The following FBXL17 variants were observed in gnomAD, a reference collection of about 807,000 sequenced individuals.
FBXL17 encodes the protein F-box and leucine rich repeat protein 17.
Under a neutral mutation model 66.2 loss-of-function variants are expected in FBXL17, and 22 were observed. The ratio of observed to expected loss-of-function variants is 0.33; its 90% CI spans 0.24 to 0.47. The LOEUF is 0.47. Among genes scored for constraint, FBXL17 ranks in the 20% least tolerant of loss-of-function variants. The pLI is 1.00. For synonymous variants in FBXL17, 474 were observed against 400.5 expected, an observed-to-expected ratio of 1.18 and a Z score of -2.19; for missense variants, 878 against 948.2, an observed-to-expected ratio of 0.93 and a Z score of 0.97.
intron 4 of FBXL17, among the ~76,000 whole-genome samples, chr5:108,311,815 C>T (rs1253986346): frequency 6.6e-6 from 1 of 152,124 alleles, no homozygotes; most frequent in African/African-American, 2.4e-5. Flanking sequence ...TAATAACAAA[C>T]GGCTTATAAT....
At chr5:108,378,339 T>G (rs953119192) in intron 1 of FBXL17, among the ~76,000 whole-genome samples, 1 of 134,200 alleles carries the variant, frequency 7.5e-6, no homozygotes, top group African/African-American at 3.1e-5. Flanking sequence ...TTTTGTTTTT[T>G]TGTTTTGTTT....
At chr5:108,227,095 T>C (rs1414200434) in intron 4 of FBXL17, among the ~76,000 whole-genome samples, 3 of 152,146 alleles carry the variant, frequency 2.0e-5, no homozygotes, top group Non-Finnish European at 2.9e-5. Flanking sequence ...AATGGTTCTG[T>C]TTCTGTGGAG....
At chr5:107,896,876 C>A (rs143830351) in intron 7 of FBXL17, among the ~76,000 whole-genome samples, 3 of 151,758 alleles carry the variant, frequency 2.0e-5, no homozygotes, top group East Asian at 3.9e-4. Context: ...TGAAATACTA[C>A]ACATTTTTAT....
chr5:107,875,103 CTCTCT>C (rs1458971028), intron 8 of FBXL17, among the ~76,000 whole-genome samples: 148 of 144,710 alleles, frequency 1.0e-3, no homozygotes, highest in African/African-American at 3.9e-3. Context: ...TTCTCTCTCT[CTCTCT>C]TTTTTTTTTT....
At chr5:108,015,786 T>C (rs1296577359) in intron 7 of FBXL17, among the ~76,000 whole-genome samples, 2 of 152,084 alleles carry the variant, frequency 1.3e-5, no homozygotes, top group Non-Finnish European at 2.9e-5. Flanking sequence ...CAAGGAGAGG[T>C]AGGGAAGGTA....
At chr5:108,245,788 G>A (rs1355173698) in intron 4 of FBXL17, among the ~76,000 whole-genome samples, 1 of 152,096 alleles carries the variant, frequency 6.6e-6, no homozygotes, top group Non-Finnish European at 1.5e-5. Flanking sequence ...TAAATTAGAA[G>A]GTCAGAAAGG....
intron 8 of FBXL17, among the ~76,000 whole-genome samples, chr5:107,862,287 A>G (rs1415643870): frequency 6.6e-6 from 1 of 151,776 alleles, no homozygotes; most frequent in Non-Finnish European, 1.5e-5. Context: ...TTCCAGACAG[A>G]AGTGTTGGGG....
chr5:108,321,170 C>T (rs951228467), intron 4 of FBXL17, among the ~76,000 whole-genome samples: 1 of 151,782 alleles, frequency 6.6e-6, no homozygotes, highest in African/African-American at 2.4e-5. Flanking sequence ...ATATGTCACA[C>T]ATGCACTTAT....
At chr5:108,374,380 C>T (rs557809456) in intron 1 of FBXL17, among the ~76,000 whole-genome samples, 1 of 152,194 alleles carries the variant, frequency 6.6e-6, no homozygotes, top group East Asian at 1.9e-4. Context: ...AATTAGACAT[C>T]AGTAACAGAG....
intron 7 of FBXL17, among the ~76,000 whole-genome samples, chr5:107,929,524 T>C (rs952265463): frequency 2.0e-5 from 3 of 152,218 alleles, no homozygotes; most frequent in African/African-American, 7.2e-5. Flanking sequence ...ATAATATATG[T>C]AATTTATTCT....
rs1554077849 is a variant in FBXL17 at position 108,232,793 on chromosome 5, A to ATATATATAT, written c.1507-8574_1507-8566dup. The stretch of plus-strand genomic sequence containing the variant: ...TGAATAAGCTCTCACATATATATAT[A>ATATATATAT]TATATATATATAATATATACTATTA... On this transcript the variant is annotated intron_variant, in intron 4 of 8. Transcript: ENST00000542267. Among the ~76,000 whole-genome samples, 22 of 109,778 alleles carry ATATATATAT rather than the reference A, an allele frequency of 2.0e-4. 5 individuals are homozygous for ATATATATAT. Among genetic ancestry groups the ATATATATAT allele is most frequent in the African/African-American group, 6.6e-4 (20 of 30,140 alleles). 72.0% of individuals were successfully genotyped at this position (109,778 alleles called of 152,430 possible).
chr5:108,003,879 A>G (rs922985261), intron 7 of FBXL17, among the ~76,000 whole-genome samples: 6 of 152,180 alleles, frequency 3.9e-5, no homozygotes, highest in African/African-American at 1.4e-4. Context: ...AAATGTCCAG[A>G]ATAGAGATAA....
At chr5:108,194,374 G>C (rs1312671122) in intron 5 of FBXL17, among the ~76,000 whole-genome samples, 1 of 147,764 alleles carries the variant, frequency 6.8e-6, no homozygotes, top group Non-Finnish European at 1.5e-5. Context: ...ATATAGAGAG[G>C]AAAAAAAAAA....
chr5:108,139,527 A>G (rs904145094), intron 6 of FBXL17, among the ~76,000 whole-genome samples: 4 of 152,100 alleles, frequency 2.6e-5, no homozygotes, highest in African/African-American at 4.8e-5. Context: ...CAAGCTCTCA[A>G]AACCACTCAG....
Position 108,381,507 on chromosome 5 carries a change from C to A in FBXL17, c.185G>T (p.Cys62Phe). ...CGCGCCGGGACTGTGCACGATGAAG[C>A]AGAGCATGCAGGGCCCGCGGAAGAA... ...DCFFRGPCML[C>F]FIVHSPGAPA... Residue 62 changes from cysteine (C) to phenylalanine (F), a missense_variant, in exon 1 of 9, where the codon TGC (cysteine) becomes TTC (phenylalanine). This residue lies in a region of FBXL17 where 605 missense variants were observed against 509.5 expected (regional missense o/e 1.19). Coordinates refer to ENST00000542267, the MANE Select transcript of FBXL17 (RefSeq NM_001163315.3). 3.6e-6 allele frequency: 5 copies of A among 1,398,554 alleles called. No homozygotes were observed. Among genetic ancestry groups the A allele is most frequent in the Non-Finnish European group, 4.6e-6 (5 of 1,086,780 alleles). The allele number at this position is 1,398,554 out of a possible 1,614,324, so 86.6% of individuals were successfully genotyped here. A position where few individuals can be genotyped will look rare whatever the true frequency, so the allele number is the denominator to read the frequency against.
At chr5:108,360,758 G>A (rs1039040057) in intron 3 of FBXL17, among the ~76,000 whole-genome samples, 1 of 151,916 alleles carries the variant, frequency 6.6e-6, no homozygotes, top group African/African-American at 2.4e-5. Flanking sequence ...CCATCTCTTA[G>A]GCTCTACTTA....
intron 6 of FBXL17, among the ~76,000 whole-genome samples, chr5:108,136,749 G>C (rs952019124): frequency 2.6e-5 from 4 of 152,096 alleles, no homozygotes; most frequent in Non-Finnish European, 5.9e-5. Flanking sequence ...TTCTGTGAGT[G>C]GCTATTATAA....
chr5:108,171,465 G>A (rs1580550420), intron 6 of FBXL17, among the ~76,000 whole-genome samples: 2 of 152,020 alleles, frequency 1.3e-5, no homozygotes, highest in East Asian at 1.9e-4. Context: ...TATAAAACAG[G>A]GCATAATGAT....
At chr5:108,302,660 G>A (rs1298223856) in intron 4 of FBXL17, among the ~76,000 whole-genome samples, 2 of 151,662 alleles carry the variant, frequency 1.3e-5, no homozygotes, top group Non-Finnish European at 3.0e-5. Context: ...TTTAAGGAAT[G>A]AAATGTTTTC....
Sources: gnomAD v4.1 joint callset for allele counts (sites outside exome capture counted in the v4.1 genomes callset) on GRCh38, gnomAD v4.1.1 for gene constraint, gnomAD v4.1.1 regional missense constraint, MANE v1.5 for transcripts, NCBI Gene and HGNC (gene_info 2026-07-23, HGNC 2026-07-21) for gene names.